Variants in USP32 observed in about 807,000 individuals in gnomAD.
USP32 encodes the protein ubiquitin carboxyl-terminal hydrolase 32.
USP32 carries 59 observed loss-of-function variants against 204.8 expected under a neutral mutation model. The ratio of observed to expected loss-of-function variants is 0.29; its 90% CI spans 0.23 to 0.36. USP32 has a LOEUF of 0.36. USP32 is among the 10% of genes least tolerant of loss of function. USP32 has a pLI of 1.00. For missense variants in USP32, 1,160 were observed against 1,946.4 expected, an observed-to-expected ratio of 0.60 and a Z score of 7.60; for synonymous variants, 517 against 678.4, an observed-to-expected ratio of 0.76 and a Z score of 3.70.
intron 1 of USP32, chr17:60,421,876 C>G: frequency 1.0e-6 from 1 of 985,472 alleles, no homozygotes. Context: ...ACGGGACTTG[C>G]CCGCGTCTCA....
At chr17:60,196,910 GTGGC>G (rs2145432908) in intron 27 of USP32, among the ~76,000 whole-genome samples, 1 of 151,828 alleles carries the variant, frequency 6.6e-6, no homozygotes, top group South Asian at 2.1e-4. Flanking sequence ...GCCAGGTGTG[GTGGC>G]TCACACCTGT....
intron 1 of USP32, among the ~76,000 whole-genome samples, chr17:60,365,658 A>C (rs1230603718): frequency 1.3e-5 from 2 of 152,090 alleles, no homozygotes; most frequent in Non-Finnish European, 2.9e-5. Context: ...TACTTTTTTC[A>C]TTAGTCTATA....
At chr17:60,380,526 C>CCA (rs1301430990) in intron 1 of USP32, among the ~76,000 whole-genome samples, 1 of 152,124 alleles carries the variant, frequency 6.6e-6, no homozygotes, top group Non-Finnish European at 1.5e-5. Flanking sequence ...AGTAAATGTG[C>CCA]CACTGCACTC....
intron 16 of USP32, among the ~76,000 whole-genome samples, chr17:60,215,791 T>C (rs1366121962): frequency 6.6e-6 from 1 of 152,284 alleles, no homozygotes; most frequent in East Asian, 1.9e-4. Flanking sequence ...TCTCATTCTG[T>C]TGCTCAAGCT....
chr17:60,352,446 T>G (rs973998752), intron 1 of USP32, among the ~76,000 whole-genome samples: 1 of 152,204 alleles, frequency 6.6e-6, no homozygotes, highest in Non-Finnish European at 1.5e-5. Flanking sequence ...CCCTTGGATA[T>G]CCTACCTCCA....
chr17:60,312,197 C>T (rs559144614), intron 2 of USP32, among the ~76,000 whole-genome samples: 5 of 152,288 alleles, frequency 3.3e-5, no homozygotes, highest in South Asian at 2.1e-4. Flanking sequence ...AATACTATCT[C>T]AGGACAGAAG....
chr17:60,404,071 A>G (rs2089957585), intron 1 of USP32, among the ~76,000 whole-genome samples: 1 of 151,970 alleles, frequency 6.6e-6, no homozygotes, highest in South Asian at 2.1e-4. Flanking sequence ...GAAAAAAAGA[A>G]AGAAAAAGAA....
intron 6 of USP32, among the ~76,000 whole-genome samples, chr17:60,270,868 A>C (rs2086708133): frequency 6.6e-6 from 1 of 151,992 alleles, no homozygotes; most frequent in South Asian, 2.1e-4. Flanking sequence ...TTAGAGCTAG[A>C]GAGCACCTCG....
chr17:60,214,792 A>G lies in USP32; in HGVS notation c.1868-18T>C. On this transcript the variant is annotated intron_variant, in intron 16 of 33. Transcript: ENST00000300896. ...TACATTTCCTATGGTTACAGTAATC[A>G]CAGTAAGAAAAAAGGCAGATGTGAA... 1 of 1,613,978 alleles carries G rather than the reference A, an allele frequency of 6.2e-7. No homozygotes were observed. Among genetic ancestry groups the G allele is most frequent in the Admixed American group, 1.7e-5 (1 of 60,026 alleles).
At chr17:60,380,071 T>C (rs1054644706) in intron 1 of USP32, among the ~76,000 whole-genome samples, 1 of 152,176 alleles carries the variant, frequency 6.6e-6, no homozygotes, top group African/African-American at 2.4e-5. Context: ...ATAAGTAAGT[T>C]CAGGAAAGCT....
chr17:60,267,764 C>G (rs1164859508), intron 7 of USP32, among the ~76,000 whole-genome samples: 3 of 151,698 alleles, frequency 2.0e-5, no homozygotes, highest in African/African-American at 7.3e-5. Context: ...TGTGATCCGC[C>G]TGCCTTGGCC....
intron 23 of USP32, among the ~76,000 whole-genome samples, chr17:60,208,434 A>C (rs1045133036): frequency 3.3e-5 from 5 of 152,176 alleles, no homozygotes; most frequent in African/African-American, 1.2e-4. Context: ...GTGGCTTTGC[A>C]GGGTTTTAAA....
At chr17:60,370,587 C>T (rs1479214394) in intron 1 of USP32, among the ~76,000 whole-genome samples, 2 of 151,540 alleles carry the variant, frequency 1.3e-5, no homozygotes, top group East Asian at 1.9e-4. Context: ...ATGGCAAAAC[C>T]CTGCCTCTAC....
Position 60,191,227 on chromosome 17 carries a change from C to T in USP32, c.3522-544G>A, listed in dbSNP as rs559984500. Reference sequence around the variant, plus strand: ...GACCAGTCTGACCAACATGGTGAAACCCTGTCTCTACTAAAACTACAAAAA... The same window carrying T: ...GACCAGTCTGACCAACATGGTGAAATCCTGTCTCTACTAAAACTACAAAAA... On this transcript the variant is annotated intron_variant, in intron 28 of 33. Coordinates refer to ENST00000300896, the MANE Select transcript of USP32 (RefSeq NM_032582.4). Among the ~76,000 whole-genome samples the T allele has an allele frequency of 2.2e-4, 34 of 151,586 alleles. No homozygotes were observed. In the East Asian group the frequency reaches 5.7e-3, roughly 26 times the overall value.
At chr17:60,237,132 A>AC in intron 11 of USP32, among the ~76,000 whole-genome samples, 1 of 150,712 alleles carries the variant, frequency 6.6e-6, no homozygotes, top group South Asian at 2.1e-4. Flanking sequence ...CTATCTATCT[A>AC]TCTATCTATC....
intron 1 of USP32, among the ~76,000 whole-genome samples, chr17:60,412,419 C>T (rs1375137546): frequency 2.2e-5 from 3 of 135,490 alleles, no homozygotes; most frequent in Non-Finnish European, 3.1e-5. Flanking sequence ...GGCGGTGGGG[C>T]GGGGGAGCAG....
chr17:60,211,202 T>A, intron 20 of USP32, 84 bp from the exon 21 acceptor site: 1 of 1,544,976 alleles, frequency 6.5e-7, no homozygotes, highest in South Asian at 1.2e-5. Context: ...GCATCTCACA[T>A]CAAAATATCT....
intron 16 of USP32, among the ~76,000 whole-genome samples, chr17:60,218,116 G>A (rs1029997091): frequency 1.1e-4 from 16 of 152,104 alleles, no homozygotes; most frequent in African/African-American, 3.6e-4. Flanking sequence ...TAATTACTAC[G>A]AAACACTACT....
chr17:60,233,991 C>T (rs1182721045), intron 12 of USP32, among the ~76,000 whole-genome samples: 1 of 152,050 alleles, frequency 6.6e-6, no homozygotes, highest in African/African-American at 2.4e-5. Context: ...GCTCTGTCAC[C>T]CAAACTGGAG....
Sources: allele counts gnomAD v4.1 joint callset (sites outside exome capture counted in the v4.1 genomes callset), GRCh38; gene constraint gnomAD v4.1.1; transcripts MANE v1.5; gene names NCBI Gene and HGNC (gene_info 2026-07-23, HGNC 2026-07-21).